Variants in AKAP9 observed in about 807,000 individuals in gnomAD.
AKAP9 encodes the protein A-kinase anchor protein 9.
Under a neutral mutation model 488.5 loss-of-function variants are expected in AKAP9, and 311 were observed. The ratio of observed to expected loss-of-function variants is 0.64; its 90% confidence interval spans 0.58 to 0.70. The LOEUF is 0.70. Among genes scored for constraint, AKAP9 ranks in the 30% least tolerant of loss-of-function variants. The pLI is 0.00. For synonymous variants in AKAP9, 1,462 were observed against 1,483.5 expected (o/e 0.99, Z 0.33); for missense variants, 4,215 against 4,374.5 (o/e 0.96, Z 1.03).
In AKAP9 at chr7:91,952,057, C is replaced by T. The variant is rs1010041520; in HGVS notation, c.48+10910C>T. On this transcript the variant is annotated intron_variant, in intron 1 of 49. Coordinates refer to ENST00000356239, the MANE Select transcript of AKAP9 (RefSeq NM_005751.5). ...TGTCACTGGGTTCATCTTAAAACAC[C>T]CTTTTCATTTTGTTAATCCTCTACT... is the stretch of plus-strand genomic sequence containing the variant. 1.4e-4 allele frequency among the ~76,000 whole-genome samples: 21 copies of T among 152,044 alleles called. 1 individual carries two copies. Among genetic ancestry groups the T allele is most frequent in the Non-Finnish European group, 2.5e-4 (17 of 68,022 alleles).
intron 1 of AKAP9, among the ~76,000 whole-genome samples, chr7:91,961,387 A>G (rs1793712464): frequency 6.6e-6 from 1 of 151,394 alleles, no homozygotes; most frequent in African/African-American, 2.4e-5. Context: ...CATGTTGGTC[A>G]GGCTGGTCTC....
intron 22 of AKAP9, among the ~76,000 whole-genome samples, chr7:92,059,359 T>G (rs1809344213): frequency 6.6e-6 from 1 of 151,894 alleles, no homozygotes; most frequent in Non-Finnish European, 1.5e-5. Flanking sequence ...GGGTGTCTCA[T>G]CTCCCGATGA....
intron 1 of AKAP9, among the ~76,000 whole-genome samples, chr7:91,956,569 TAG>T (rs986736498): frequency 2.0e-5 from 3 of 152,206 alleles, no homozygotes; most frequent in African/African-American, 4.8e-5. Flanking sequence ...ATTAGACTGA[TAG>T]AGTTTTAGAA....
chr7:92,106,844 C>T (rs1818582671), intron 47 of AKAP9, among the ~76,000 whole-genome samples: 2 of 152,158 alleles, frequency 1.3e-5, no homozygotes, highest in African/African-American at 4.8e-5. Flanking sequence ...TACACTGAAA[C>T]AGCTGAAATT....
intron 16 of AKAP9, among the ~76,000 whole-genome samples, chr7:92,033,132 C>A (rs538650419): frequency 9.2e-5 from 14 of 152,138 alleles, no homozygotes; most frequent in African/African-American, 3.1e-4. Flanking sequence ...ATGGTGGTAA[C>A]ATGATGATGT....
intron 22 of AKAP9, chr7:92,057,989 A>T (rs899737005): frequency 4.3e-6 from 1 of 233,352 alleles, no homozygotes; most frequent in Non-Finnish European, 8.5e-6. Flanking sequence ...TTTTTCCTGG[A>T]CTTTCCCCTT....
intron 24 of AKAP9, among the ~76,000 whole-genome samples, chr7:92,063,303 T>C (rs1157714609): frequency 6.6e-6 from 1 of 152,210 alleles, no homozygotes; most frequent in East Asian, 1.9e-4. Flanking sequence ...ATTCAAGAAA[T>C]ACTGGAACTT....
intron 1 of AKAP9, among the ~76,000 whole-genome samples, chr7:91,949,203 G>A (rs1791890706): frequency 6.6e-6 from 1 of 152,106 alleles, no homozygotes; most frequent in South Asian, 2.1e-4. Context: ...GAGAGAACGT[G>A]TGCACTCAAG....
chr7:92,108,710 C>A, intron 49 of AKAP9, 77 bp downstream of exon 49: 2 of 1,549,020 alleles, frequency 1.3e-6, no homozygotes, highest in South Asian at 1.1e-5. Flanking sequence ...AATTCTTTCA[C>A]ACTCATTAGG....
Position 92,079,833 on chromosome 7 carries a change from A to T in AKAP9, c.7700A>T (p.Tyr2567Phe), listed in dbSNP as rs375743146. Residue 2567 changes from tyrosine to phenylalanine, a missense_variant, in exon 31 of 50, where the codon TAT (tyrosine) becomes TTT (phenylalanine). Physicochemically the swap from Tyr to Phe is conservative, Grantham distance 22. This residue lies in a region of AKAP9 where 1,476 missense variants were observed against 1,477.4 expected (regional missense o/e 1.00). Transcript: ENST00000356239. Reference protein sequence around the residue: ...SQIQLEAVQEYAKFCQDNQTI... With the variant: ...SQIQLEAVQEFAKFCQDNQTI... ...ATCCAACTTGAGGCAGTTCAGGAATATGCAAAATTCTGTCAAGATAATCAA... is the reference window on the plus strand; with the variant it reads ...ATCCAACTTGAGGCAGTTCAGGAATTTGCAAAATTCTGTCAAGATAATCAA... 61 of 1,614,038 alleles carry T rather than the reference A, an allele frequency of 3.8e-5. No homozygotes were observed. Among genetic ancestry groups the T allele is most frequent in the Non-Finnish European group, 4.9e-5 (58 of 1,180,012 alleles).
chr7:92,095,675 A>G (rs1243295949), intron 40 of AKAP9, among the ~76,000 whole-genome samples: 1 of 152,178 alleles, frequency 6.6e-6, no homozygotes, highest in Non-Finnish European at 1.5e-5. Flanking sequence ...TACATGAAGT[A>G]TCTGCTTTTA....
intron 5 of AKAP9, 138 bp downstream of exon 5, chr7:91,993,193 TC>T (rs1797987177): frequency 2.3e-6 from 2 of 865,020 alleles, no homozygotes; most frequent in African/African-American, 1.7e-5. Flanking sequence ...TTCTTCTTCT[TC>T]TTTTTTTTTT....
At position 92,107,489 on chromosome 7, in the gene AKAP9, AT is replaced by A. The variant is rs535447834; in HGVS notation, c.11546+72del. 6,292 of 1,485,016 alleles carry A rather than the reference AT, an allele frequency of 4.2e-3. 19 individuals are homozygous for A. Among genetic ancestry groups the A allele is most frequent in the Non-Finnish European group, 5.3e-3 (5,629 of 1,069,700 alleles). The allele number at this position is 1,485,016 out of a possible 1,614,324, so 92.0% of individuals were successfully genotyped here. ...TAATATTTAACAGAGATAAATGGAC[AT>A]TTTTAGGGCTTTGACTTCTTTGCAT... On this transcript the variant is annotated intron_variant, in intron 48 of 49. Transcript: ENST00000356239.
intron 1 of AKAP9, among the ~76,000 whole-genome samples, chr7:91,942,951 G>A (rs1052453414): frequency 2.0e-5 from 3 of 151,958 alleles, no homozygotes; most frequent in African/African-American, 7.3e-5. Context: ...GCTGACATTG[G>A]GAGCCTGGGG....
rs771419309 is a variant in AKAP9 at position 92,066,549 on chromosome 7, A to G, written c.6330+3A>G. On this transcript the variant is annotated splice_donor_region_variant and intron_variant, in intron 26 of 49. Coordinates refer to ENST00000356239, the MANE Select transcript of AKAP9 (RefSeq NM_005751.5). ...TCAGTGAACATCAAACTAGAGAGGT[A>G]AGAACTTCACTGATATTGCCCAACT... 6.6e-5 allele frequency: 106 copies of G among 1,613,240 alleles called. 1 individual carries two copies. The highest frequency in any genetic ancestry group is 1.8e-4 in the East Asian group (8 of 44,772).
At chr7:91,995,845 AG>A in intron 7 of AKAP9, 45 bp downstream of exon 7, 2 of 1,454,314 alleles carry the variant, frequency 1.4e-6, no homozygotes, top group Non-Finnish European at 1.9e-6. Flanking sequence ...GAAGCTTTAG[AG>A]TTTCAAGTTT....
intron 3 of AKAP9, among the ~76,000 whole-genome samples, chr7:91,987,290 A>G (rs1797221065): frequency 6.6e-6 from 1 of 152,084 alleles, no homozygotes; most frequent in Non-Finnish European, 1.5e-5. Context: ...ATGGTGGCGT[A>G]TGCCTGTAAT....
At chr7:91,970,440 T>A in intron 1 of AKAP9, 1 of 455,646 alleles carries the variant, frequency 2.2e-6, no homozygotes, top group East Asian at 7.0e-5. Context: ...TTTACATGTT[T>A]TGTTTTTTCA....
intron 31 of AKAP9, among the ~76,000 whole-genome samples, chr7:92,081,921 A>G (rs1031615132): frequency 1.3e-4 from 20 of 152,220 alleles, no homozygotes; most frequent in South Asian, 1.0e-3. Context: ...TTCCTCCTTC[A>G]TTGGAACTAA....
Sources: allele counts gnomAD v4.1 joint callset (sites outside exome capture counted in the v4.1 genomes callset), GRCh38; gene constraint gnomAD v4.1.1; regional missense constraint gnomAD v4.1.1; transcripts MANE v1.5; gene names NCBI Gene and HGNC (gene_info 2026-07-23, HGNC 2026-07-21).